The following PCDH10 variants were observed in gnomAD, a reference collection of about 807,000 sequenced individuals.
PCDH10 encodes the protein protocadherin 10, also known as protocadherin-10.
A neutral mutation model predicts 74.4 loss-of-function variants in PCDH10; 15 were observed. That is an observed-to-expected ratio of 0.20 (90% CI 0.13 to 0.31). The LOEUF (loss-of-function observed/expected upper bound fraction) is 0.31, where lower values mean the gene tolerates loss of function less well. PCDH10 is among the 10% of genes least tolerant of loss of function. The pLI is 1.00. For synonymous variants in PCDH10, 619 were observed against 589.8 expected, an observed-to-expected ratio of 1.05 and a Z score of -0.72; for missense variants, 1,260 against 1,390.2, an observed-to-expected ratio of 0.91 and a Z score of 1.49.
At chr4:133,189,612 A>G (rs889353616) in intron 4 of PCDH10, among the ~76,000 whole-genome samples, 7 of 152,126 alleles carry the variant, frequency 4.6e-5, no homozygotes, top group Non-Finnish European at 1.0e-4. Context: ...TTAAAATTTT[A>G]TAAATGAGAT....
chr4:133,154,808 AAG>A (rs1189991654), intron 2 of PCDH10, 107 bp from the exon 3 acceptor site: 12 of 733,154 alleles, frequency 1.6e-5, no homozygotes, highest in Admixed American at 9.7e-5. Context: ...AAAGCCAACT[AAG>A]AGGTCTGTGA....
downstream of PCDH10, among the ~76,000 whole-genome samples, chr4:133,199,564 G>C (rs1200854623): frequency 2.7e-5 from 4 of 149,872 alleles, no homozygotes; most frequent in African/African-American, 9.7e-5. Context: ...GAGAAATGAT[G>C]ATGACGGATG....
intron 3 of PCDH10, among the ~76,000 whole-genome samples, chr4:133,161,111 T>C (rs950579632): frequency 6.6e-6 from 1 of 152,140 alleles, no homozygotes; most frequent in Non-Finnish European, 1.5e-5. Context: ...ATTTACATGT[T>C]TTACATGCTG....
At position 133,151,822 on chromosome 4, in the gene PCDH10, A is replaced by G. The variant is rs1726708091; in HGVS notation, c.1682A>G (p.Asn561Ser). Residue 561 changes from asparagine to serine, a missense_variant, in exon 1 of 5, where the codon AAC becomes AGC. Transcript: ENST00000264360. The part of the protein sequence containing the change: ...PQALAGNATV[N>S]ILIVDQNDNA... The stretch of plus-strand genomic sequence containing the variant: ...GCGCTGGCTGGTAACGCCACTGTCA[A>G]CATCCTCATAGTGGATCAAAATGAC... The G allele has an allele frequency of 6.2e-7, 1 of 1,613,110 alleles. No individual in the cohort carries two copies. Among genetic ancestry groups the G allele is most frequent in the Non-Finnish European group, 8.5e-7 (1 of 1,180,042 alleles).
Position 133,150,050 on chromosome 4 carries a change from A to C in PCDH10, c.-91A>C. 1 of 1,446,346 alleles carries C rather than the reference A, an allele frequency of 6.9e-7. No homozygotes were observed. Among genetic ancestry groups the C allele is most frequent in the Non-Finnish European group, 9.1e-7 (1 of 1,099,164 alleles). 89.6% of individuals were successfully genotyped at this position (1,446,346 alleles called of 1,614,324 possible). Reference sequence around the variant, plus strand: ...CCCCACGTAGCGCACTTTTATTTGTATTTTTTCAGATTTTTTTTTGTTTCG... The same window carrying C: ...CCCCACGTAGCGCACTTTTATTTGTCTTTTTTCAGATTTTTTTTTGTTTCG... On this transcript the variant is annotated 5_prime_UTR_variant, in exon 1 of 5. Coordinates refer to ENST00000264360, the MANE Select transcript of PCDH10 (RefSeq NM_032961.3).
chr4:133,157,241 G>A (rs150322004), intron 3 of PCDH10, among the ~76,000 whole-genome samples: 62 of 152,254 alleles, frequency 4.1e-4, no homozygotes, highest in African/African-American at 1.5e-3. Flanking sequence ...CAGATTTAAT[G>A]TCTAATTTTA....
chr4:133,150,155 A>G lies in PCDH10; in HGVS notation c.15A>G (p.Leu5=), dbSNP rs1578554180. The stretch of plus-strand genomic sequence containing the variant: ...TCCTTTTGGAGATGATTGTGCTATT[A>G]TTGTTTGCCTTGCTCTGGATGGTGG... MIVL[L]LFALLWMVEG... Residue 5 remains leucine, a synonymous_variant, in exon 1 of 5, where the codon TTA becomes TTG. Coordinates refer to ENST00000264360, the MANE Select transcript of PCDH10 (RefSeq NM_032961.3). The G allele has an allele frequency of 6.4e-7, 1 of 1,550,828 alleles. No homozygotes were observed. Among genetic ancestry groups the G allele is most frequent in the Non-Finnish European group, 8.7e-7 (1 of 1,148,794 alleles).
chr4:133,151,883 C>T lies in PCDH10; in HGVS notation c.1743C>T (p.Arg581=). Residue 581 remains arginine (R), a synonymous_variant, in exon 1 of 5, where the codon CGC becomes CGT. Coordinates refer to ENST00000264360, the MANE Select transcript of PCDH10 (RefSeq NM_032961.3). The stretch of plus-strand genomic sequence containing the variant: ...CCATCGTGGCGCCTCTACCAGGGCG[C>T]AACGGGACTCCAGCGCGTGAGGTGC... ...APAIVAPLPG[R]NGTPAREVLP... 6.2e-7 allele frequency: 1 copy of T among 1,613,000 alleles called. No homozygotes were observed. Among genetic ancestry groups the T allele is most frequent in the East Asian group, 2.2e-5 (1 of 44,866 alleles).
Position 133,163,213 on chromosome 4 carries a change from A to T in PCDH10, c.3034A>T (p.Thr1012Ser). The change falls in exon 4 of 5, where the codon ACT becomes TCT. Residue 1012 changes from threonine (T) to serine (S), a missense_variant. Physicochemically the swap from Thr to Ser is moderately conservative, Grantham distance 58. Coordinates refer to ENST00000264360, the MANE Select transcript of PCDH10 (RefSeq NM_032961.3). ...TGGCAAAGAGAAGGCCCTTCACAGC[A>T]CTCTGGAGAGGAAGGAGCTGGATGG... Reference protein sequence around the residue: ...TFGKEKALHSTLERKELDGLL... With the variant: ...TFGKEKALHSSLERKELDGLL... 1.2e-6 allele frequency: 2 copies of T among 1,614,048 alleles called. No individual in the cohort carries two copies. Among genetic ancestry groups the T allele is most frequent in the Non-Finnish European group, 1.7e-6 (2 of 1,180,002 alleles).
downstream of PCDH10, among the ~76,000 whole-genome samples, chr4:133,196,148 A>G (rs1727789696): frequency 6.6e-6 from 1 of 152,190 alleles, no homozygotes; most frequent in Admixed American, 6.6e-5. Context: ...CACTGCTTAG[A>G]CACAGCCAAT....
Position 133,152,090 on chromosome 4 carries a change from C to A in PCDH10, c.1950C>A (p.Pro650=). The A allele has an allele frequency of 6.3e-7, 1 of 1,594,426 alleles. No homozygotes were observed. Among genetic ancestry groups the A allele is most frequent in the Non-Finnish European group, 8.5e-7 (1 of 1,170,872 alleles). ...TARRVPAKRD[P]QRPYELVIEV... ...GCCGAGTCCCGGCCAAGCGCGACCC[C>A]CAGCGGCCTTATGAGCTGGTGATCG... Residue 650 remains proline, a synonymous_variant, in exon 1 of 5, where the codon CCC becomes CCA. Coordinates refer to ENST00000264360, the MANE Select transcript of PCDH10 (RefSeq NM_032961.3).
downstream of PCDH10, among the ~76,000 whole-genome samples, chr4:133,199,287 CAAAAT>C (rs1361772631): frequency 1.8e-5 from 1 of 56,818 alleles, no homozygotes. Flanking sequence ...AACCCTGTCT[CAAAAT>C]AATAATAATA....
intron 3 of PCDH10, 35 bp from the exon 4 acceptor site, chr4:133,162,942 A>C (rs888142502): frequency 1.3e-6 from 2 of 1,548,708 alleles, no homozygotes; most frequent in South Asian, 2.3e-5. Context: ...ATGTTGGTGA[A>C]GACTACATCC....
chr4:133,152,263 G>T lies in PCDH10; in HGVS notation c.2123G>T (p.Gly708Val), dbSNP rs747650002. 1 of 1,613,082 alleles carries T rather than the reference G, an allele frequency of 6.2e-7. No individual in the cohort carries two copies. Among genetic ancestry groups the T allele is most frequent in the South Asian group, 1.1e-5 (1 of 90,998 alleles). Residue 708 changes from glycine (G) to valine (V), a missense_variant, in exon 1 of 5, where the codon GGG (glycine) becomes GTG (valine). Gly to Val is a moderately radical substitution (Grantham distance 109). This residue lies in a region of PCDH10 where 587 missense variants were observed against 616.9 expected (regional missense o/e 0.95). Transcript: ENST00000264360. ...CAGCGCCCCAGTCGCTCTGGCGGCG[G>T]GGAAACCTCGCTAGACCTCACCCTC... ...EHQRPSRSGG[G>V]ETSLDLTLIL...
At chr4:133,205,111 T>C (rs1727976144) in intron 2 of PCDH10, among the ~76,000 whole-genome samples, 1 of 152,146 alleles carries the variant, frequency 6.6e-6, no homozygotes, top group Non-Finnish European at 1.5e-5. Flanking sequence ...GAGGATGGTT[T>C]GGTTAGGAGA....
intron 4 of PCDH10, among the ~76,000 whole-genome samples, chr4:133,189,808 T>C (rs1727620843): frequency 6.6e-6 from 1 of 152,150 alleles, no homozygotes; most frequent in Non-Finnish European, 1.5e-5. Flanking sequence ...GCCACACATT[T>C]TTTTCTATAC....
At chr4:133,182,719 A>G (rs1727442543) in intron 4 of PCDH10, among the ~76,000 whole-genome samples, 1 of 152,168 alleles carries the variant, frequency 6.6e-6, no homozygotes, top group Middle Eastern at 3.4e-3. Context: ...TCAGTCTCCA[A>G]ACTTTACTTT....
intron 4 of PCDH10, among the ~76,000 whole-genome samples, chr4:133,169,377 A>C (rs1159018065): frequency 6.6e-6 from 1 of 151,856 alleles, no homozygotes; most frequent in Non-Finnish European, 1.5e-5. Context: ...TAATCGATCA[A>C]AGTTAATTAC....
Position 133,163,222 on chromosome 4 carries a change from A to G in PCDH10, c.3043A>G (p.Arg1015Gly). Residue 1015 changes from arginine to glycine, a missense_variant, in exon 4 of 5, where the codon AGG becomes GGG. Arg to Gly is a moderately radical substitution (Grantham distance 125). Around this residue, in one of 11 missense-constraint regions of PCDH10, gnomAD observed 136 missense variants for 149.3 expected, o/e 0.91. Transcript: ENST00000264360. ...KEKALHSTLERKELDGLLTNT... is the reference protein window; with the variant it reads ...KEKALHSTLEGKELDGLLTNT... ...GAAGGCCCTTCACAGCACTCTGGAG[A>G]GGAAGGAGCTGGATGGACTGCTGAC... is the stretch of plus-strand genomic sequence containing the variant. 1.2e-6 allele frequency: 2 copies of G among 1,614,064 alleles called. No individual in the cohort carries two copies. Among genetic ancestry groups the G allele is most frequent in the Admixed American group, 1.7e-5 (1 of 60,000 alleles).
Sources: allele counts gnomAD v4.1 joint callset (sites outside exome capture counted in the v4.1 genomes callset), GRCh38; gene constraint gnomAD v4.1.1; regional missense constraint gnomAD v4.1.1; transcripts MANE v1.5; gene names NCBI Gene and HGNC (gene_info 2026-07-23, HGNC 2026-07-21).